Variants in SMIM21 observed in about 807,000 individuals in gnomAD.
The protein encoded by SMIM21 is small integral membrane protein 21, also known as chromosome 18 open reading frame 62.
Under a neutral mutation model 8.6 loss-of-function variants are expected in SMIM21, and 8 were observed. That is an observed-to-expected ratio of 0.93 (90% CI 0.55 to 1.68). SMIM21 has a LOEUF of 1.68. SMIM21 is among the 40% of genes most tolerant of loss of function. The pLI is 0.00. For synonymous variants in SMIM21, 43 were observed against 41.7 expected (o/e 1.03, Z -0.12); for missense variants, 132 against 123.0 (o/e 1.07, Z -0.35).
In SMIM21 at chr18:75,410,604, A is replaced by G. The variant is rs956121529; in HGVS notation, c.*260T>C. 8 of 796,572 alleles carry G rather than the reference A, an allele frequency of 1.0e-5. No homozygotes were observed. Among genetic ancestry groups the G allele is most frequent in the African/African-American group, 8.8e-5 (5 of 57,104 alleles). The allele number at this position is 796,572 out of a possible 1,614,324, so 49.3% of individuals were successfully genotyped here. On this transcript the variant is annotated 3_prime_UTR_variant, in exon 3 of 3. Coordinates refer to ENST00000579022, the MANE Select transcript of SMIM21 (RefSeq NM_001037331.3). Reference sequence around the variant, plus strand: ...CTGGATCTGTTTCGACACGCAGGGCAGATTTCGCAGGGTTGGGTGGCATCT... The same window carrying G: ...CTGGATCTGTTTCGACACGCAGGGCGGATTTCGCAGGGTTGGGTGGCATCT...
chr18:75,410,872 C>T lies in SMIM21; in HGVS notation c.298G>A (p.Ala100Thr). The change falls in exon 3 of 3, where the codon GCA becomes ACA. Residue 100 changes from alanine (A) to threonine (T), a missense_variant. By Grantham distance (58) the Ala-to-Thr change is moderately conservative. Coordinates refer to ENST00000579022, the MANE Select transcript of SMIM21 (RefSeq NM_001037331.3). Reference protein sequence around the residue: ...RLKSSRNTAEAE With the variant: ...RLKSSRNTAETE Reference sequence around the variant, plus strand: ...GAGAAACGTAGTGTCATTTATTCTGCTTCTGCTGTGTTCCTGGATGACTTC... The same window carrying T: ...GAGAAACGTAGTGTCATTTATTCTGTTTCTGCTGTGTTCCTGGATGACTTC... 1 of 1,614,112 alleles carries T rather than the reference C, an allele frequency of 6.2e-7. No individual in the cohort carries two copies. Among genetic ancestry groups the T allele is most frequent in the South Asian group, 1.1e-5 (1 of 91,060 alleles).
chr18:75,413,964 C>G (rs902560683), intron 2 of SMIM21, among the ~76,000 whole-genome samples: 14 of 152,182 alleles, frequency 9.2e-5, no homozygotes, highest in African/African-American at 2.9e-4. Context: ...TCTTAGAAAA[C>G]AATAGCAAAA....
chr18:75,412,888 G>A (rs540133500), intron 2 of SMIM21, among the ~76,000 whole-genome samples: 17 of 152,150 alleles, frequency 1.1e-4, no homozygotes, highest in African/African-American at 3.4e-4. Flanking sequence ...ATTGCTGTTC[G>A]TTGTACCTTG....
At chr18:75,423,439 A>G (rs2024730039) in intron 1 of SMIM21, among the ~76,000 whole-genome samples, 1 of 152,252 alleles carries the variant, frequency 6.6e-6, no homozygotes, top group Non-Finnish European at 1.5e-5. Flanking sequence ...ATTTAATTTA[A>G]AGGGACCTGA....
At chr18:75,423,141 G>T (rs72975999) in intron 1 of SMIM21, among the ~76,000 whole-genome samples, 13,043 of 152,088 alleles carry the variant, frequency 0.086, 748 homozygotes, top group Non-Finnish European at 0.13. Flanking sequence ...CAAATCCCCT[G>T]CCCCAAATTC....
chr18:75,420,546 G>A (rs2024697913), intron 1 of SMIM21, among the ~76,000 whole-genome samples: 2 of 152,122 alleles, frequency 1.3e-5, no homozygotes, highest in South Asian at 4.1e-4. Context: ...GATCTGTACT[G>A]CTTGATTAAA....
chr18:75,416,693 A>G (rs1272570290), intron 2 of SMIM21: 1 of 152,190 alleles, frequency 6.6e-6, no homozygotes, highest in East Asian at 1.9e-4. Flanking sequence ...CCAAATGCAT[A>G]GTCAGTTGTT....
intron 1 of SMIM21, among the ~76,000 whole-genome samples, chr18:75,423,279 TG>T (rs1360648852): frequency 1.3e-5 from 2 of 152,372 alleles, no homozygotes; most frequent in South Asian, 2.1e-4. Context: ...CAGAGCATTT[TG>T]TGTGGCTCTC....
chr18:75,413,147 C>G (rs932405766), intron 2 of SMIM21, among the ~76,000 whole-genome samples: 1 of 152,038 alleles, frequency 6.6e-6, no homozygotes, highest in Non-Finnish European at 1.5e-5. Context: ...CCTTGGGCAT[C>G]CTAAGGATGC....
intron 1 of SMIM21, among the ~76,000 whole-genome samples, chr18:75,426,071 G>A (rs1000238831): frequency 6.6e-6 from 1 of 151,972 alleles, no homozygotes; most frequent in African/African-American, 2.4e-5. Flanking sequence ...AAGGCCTGGA[G>A]ACAAACCCAG....
chr18:75,413,884 T>A (rs2024609739), intron 2 of SMIM21, among the ~76,000 whole-genome samples: 1 of 152,176 alleles, frequency 6.6e-6, no homozygotes, highest in African/African-American at 2.4e-5. Flanking sequence ...ACCTCAAATA[T>A]GTTTAATAAA....
At chr18:75,414,610 G>A (rs542952350) in intron 2 of SMIM21, among the ~76,000 whole-genome samples, 13 of 152,188 alleles carry the variant, frequency 8.5e-5, no homozygotes, top group Non-Finnish European at 1.6e-4. Context: ...AGTTGCCTTC[G>A]CTGTGGTAGG....
rs1417410283 is a variant in SMIM21 at position 75,410,927 on chromosome 18, G to A, written c.261-18C>T. On this transcript the variant is annotated intron_variant, in intron 2 of 2. Coordinates refer to ENST00000579022, the MANE Select transcript of SMIM21 (RefSeq NM_001037331.3). ...GTAGAAAGCTGCAAGAGACAAAAGGGGGAAAAAGCATTTTATTTTTTTGAT... is the reference window on the plus strand; with the variant it reads ...GTAGAAAGCTGCAAGAGACAAAAGGAGGAAAAAGCATTTTATTTTTTTGAT... The A allele has an allele frequency of 3.1e-6, 5 of 1,612,992 alleles. No individual in the cohort carries two copies. The highest frequency in any genetic ancestry group is 1.3e-5 in the African/African-American group (1 of 74,804).
chr18:75,418,289 G>T, intron 2 of SMIM21: 1 of 396,642 alleles, frequency 2.5e-6, no homozygotes, highest in South Asian at 1.3e-4. Flanking sequence ...TTGGTACACA[G>T]AGACCTTAAC....
intron 2 of SMIM21, chr18:75,416,524 C>T (rs1048190111): frequency 6.6e-6 from 1 of 152,162 alleles, no homozygotes; most frequent in African/African-American, 2.4e-5. Flanking sequence ...TGGTAAGTCC[C>T]TTCTTTCCTT....
intron 1 of SMIM21, among the ~76,000 whole-genome samples, chr18:75,424,411 G>C (rs2024740286): frequency 2.0e-5 from 3 of 152,178 alleles, no homozygotes; most frequent in Admixed American, 2.0e-4. Context: ...AATTAACTCA[G>C]AGGAGGGAGG....
At chr18:75,419,012 G>T in intron 1 of SMIM21, 96 bp from the exon 2 acceptor site, 1 of 692,788 alleles carries the variant, frequency 1.4e-6, no homozygotes, top group Non-Finnish European at 2.3e-6. Flanking sequence ...AATTAATTTT[G>T]TTTAAAATAA....
intron 1 of SMIM21, among the ~76,000 whole-genome samples, chr18:75,423,486 G>T (rs1313494819): frequency 6.6e-6 from 1 of 152,242 alleles, no homozygotes; most frequent in African/African-American, 2.4e-5. Context: ...CCTGGGGTGA[G>T]AGCTGTGCCA....
At chr18:75,426,008 T>C (rs1313631040) in intron 1 of SMIM21, among the ~76,000 whole-genome samples, 1 of 152,056 alleles carries the variant, frequency 6.6e-6, no homozygotes, top group Non-Finnish European at 1.5e-5. Context: ...TTGCCTCTTT[T>C]GATTGCCCAC....
Sources: allele counts gnomAD v4.1 joint callset (sites outside exome capture counted in the v4.1 genomes callset), GRCh38; gene constraint gnomAD v4.1.1; transcripts MANE v1.5; gene names NCBI Gene and HGNC (gene_info 2026-07-23, HGNC 2026-07-21).